Variants in SEPTIN12 observed in about 807,000 individuals in gnomAD.
SEPTIN12 encodes septin 12, also known as septin-12.
SEPTIN12 carries 42 observed loss-of-function variants against 37.7 expected under a neutral mutation model. The ratio of observed to expected loss-of-function variants is 1.11; its 90% confidence interval spans 0.87 to 1.44. The LOEUF is 1.44. SEPTIN12 is among the 40% of genes most tolerant of loss of function. The pLI, the probability that SEPTIN12 is intolerant of heterozygous loss-of-function variation, is 0.00. For synonymous variants in SEPTIN12, 254 were observed against 196.7 expected (o/e 1.29, Z -2.44); for missense variants, 613 against 479.2 (o/e 1.28, Z -2.61).
Position 4,787,584 on chromosome 16 carries a change from G to C in SEPTIN12, c.62C>G (p.Thr21Ser). 6.2e-7 allele frequency: 1 copy of C among 1,608,376 alleles called. No homozygotes were observed. The highest frequency in any genetic ancestry group is 8.5e-7 in the Non-Finnish European group (1 of 1,179,416). The part of the protein sequence containing the change: ...CLSSQPSSPS[T>S]PPCEMLGPVG... Reference sequence around the variant, plus strand: ...AGGACCAAGCATCTCGCAGGGTGGGGTGCTGGGGCTGGAGGGCTGCGAGGA... The same window carrying C: ...AGGACCAAGCATCTCGCAGGGTGGGCTGCTGGGGCTGGAGGGCTGCGAGGA... The change falls in exon 2 of 10, where the codon ACC becomes AGC. Residue 21 changes from threonine (T) to serine (S), a missense_variant. By Grantham distance (58) the Thr-to-Ser change is moderately conservative. Transcript: ENST00000268231.
upstream of SEPTIN12, among the ~76,000 whole-genome samples, chr16:4,790,608 C>T (rs1398076899): frequency 3.9e-5 from 6 of 152,150 alleles, no homozygotes; most frequent in East Asian, 5.8e-4. Flanking sequence ...GCCAACATGG[C>T]GAAACCCCAT....
rs747775650 is a variant in SEPTIN12 at position 4,777,974 on chromosome 16, G to C, written c.900C>G (p.Asp300Glu). Residue 300 changes from aspartate to glutamate, a missense_variant, in exon 10 of 10, where the codon GAC (aspartate) becomes GAG (glutamate). Coordinates refer to ENST00000268231, the MANE Select transcript of SEPTIN12 (RefSeq NM_144605.5). Reference sequence around the variant, plus strand: ...TCTCATAGTGGATGTTGTGGGTTATGTCCTTCAGGTCTTGGAGGTGGGAGC... The same window carrying C: ...TCTCATAGTGGATGTTGTGGGTTATCTCCTTCAGGTCTTGGAGGTGGGAGC... ...LIRSHLQDLK[D>E]ITHNIHYENY... The C allele has an allele frequency of 6.8e-6, 11 of 1,611,768 alleles. No homozygotes were observed. Among genetic ancestry groups the C allele is most frequent in the Non-Finnish European group, 9.3e-6 (11 of 1,179,022 alleles).
At chr16:4,786,144 G>T (rs964711834) in intron 2 of SEPTIN12, 39 bp from the exon 3 acceptor site, 1 of 1,504,384 alleles carries the variant, frequency 6.6e-7, no homozygotes. Flanking sequence ...TAGGGTGGGC[G>T]TTTTAGGCAG....
At chr16:4,784,505 C>A (rs1410175644) in intron 4 of SEPTIN12, among the ~76,000 whole-genome samples, 1 of 150,988 alleles carries the variant, frequency 6.6e-6, no homozygotes, top group Non-Finnish European at 1.5e-5. Flanking sequence ...CCCGATGGCT[C>A]ATGCCTGTAA....
At chr16:4,781,520 G>T (rs2082371173) in intron 7 of SEPTIN12, among the ~76,000 whole-genome samples, 1 of 152,012 alleles carries the variant, frequency 6.6e-6, no homozygotes, top group African/African-American at 2.4e-5. Context: ...GCCTATTTGG[G>T]ACATTTCATA....
upstream of SEPTIN12, chr16:4,788,640 T>C (rs1375486968): frequency 2.0e-5 from 3 of 152,194 alleles, no homozygotes; most frequent in Non-Finnish European, 4.4e-5. Flanking sequence ...ATTGGCGCCA[T>C]GTGTTTTAAG....
chr16:4,784,398 G>T, intron 4 of SEPTIN12: 1 of 313,024 alleles, frequency 3.2e-6, no homozygotes, highest in Non-Finnish European at 6.2e-6. Context: ...TGGTTGCAGG[G>T]GTCTCCCTCC....
At chr16:4,791,010 T>C (rs1157304415), upstream of SEPTIN12, among the ~76,000 whole-genome samples, 3 of 152,170 alleles carry the variant, frequency 2.0e-5, no homozygotes, top group African/African-American at 7.2e-5. Context: ...GGTTAGTGGA[T>C]GAACAAATGG....
At position 4,783,978 on chromosome 16, in the gene SEPTIN12, G is replaced by A. The variant is rs1405472474; in HGVS notation, c.465C>T (p.Asp155=). Residue 155 remains aspartate, a synonymous_variant, in exon 5 of 10, where the codon GAC becomes GAT. Transcript: ENST00000268231. ...AGTACACGCAGCAGTGCACCCGGGTGTCTGGGATGTGGCGCTGGCGGGTGA... is the reference window on the plus strand; with the variant it reads ...AGTACACGCAGCAGTGCACCCGGGTATCTGGGATGTGGCGCTGGCGGGTGA... ...ILITRQRHIP[D]TRVHCCVYFV... is the part of the protein sequence containing the mutation. 4.3e-6 allele frequency: 7 copies of A among 1,614,204 alleles called. No individual in the cohort carries two copies. Among genetic ancestry groups the A allele is most frequent in the Non-Finnish European group, 5.9e-6 (7 of 1,180,036 alleles).
intron 7 of SEPTIN12, among the ~76,000 whole-genome samples, chr16:4,780,952 C>G (rs116594731): frequency 0.031 from 4,676 of 151,796 alleles, 216 homozygotes; most frequent in African/African-American, 0.11. Flanking sequence ...GCACCCCAGC[C>G]TGGGCCACAG....
At chr16:4,788,743 T>C (rs565925544), upstream of SEPTIN12, 4 of 152,348 alleles carry the variant, frequency 2.6e-5, no homozygotes, top group East Asian at 1.9e-4. Context: ...CCAAAGATGT[T>C]AACTTGTTTA....
intron 8 of SEPTIN12, 134 bp from the exon 9 acceptor site, chr16:4,778,271 T>A: frequency 1.1e-6 from 1 of 941,306 alleles, no homozygotes; most frequent in Non-Finnish European, 1.7e-6. Context: ...CTTCCCTTTG[T>A]TGGTTCATTC....
At chr16:4,779,579 T>G in intron 8 of SEPTIN12, 111 bp downstream of exon 8, 1 of 761,818 alleles carries the variant, frequency 1.3e-6, no homozygotes, top group Non-Finnish European at 2.3e-6. Flanking sequence ...GGGCTCTTTG[T>G]CTAGTGGGCT....
chr16:4,787,104 G>A (rs2082466856), intron 2 of SEPTIN12, among the ~76,000 whole-genome samples: 1 of 151,936 alleles, frequency 6.6e-6, no homozygotes, highest in African/African-American at 2.4e-5. Flanking sequence ...TCGAACTCCT[G>A]ACCTCAAGTG....
chr16:4,783,734 C>G lies in SEPTIN12; in HGVS notation c.545G>C (p.Arg182Pro), dbSNP rs1027155568. The change falls in exon 6 of 10, where the codon CGG becomes CCG. Residue 182 changes from arginine to proline, a missense_variant. Physicochemically the swap from Arg to Pro is moderately radical, Grantham distance 103 (BLOSUM62 -2). Coordinates refer to ENST00000268231, the MANE Select transcript of SEPTIN12 (RefSeq NM_144605.5). ...LRPLDIEFLQ[R>P]LCRTVNVVPV... The stretch of plus-strand genomic sequence containing the variant: ...CACCACATTCACAGTCCGGCACAGC[C>G]GCTGCAGGAACTCAATGTCCAGGGG... 6.2e-7 allele frequency: 1 copy of G among 1,614,020 alleles called. No homozygotes were observed. The highest frequency in any genetic ancestry group is 1.3e-5 in the African/African-American group (1 of 75,056).
intron 8 of SEPTIN12, among the ~76,000 whole-genome samples, chr16:4,778,767 TC>T (rs1232809428): frequency 6.6e-6 from 1 of 151,728 alleles, no homozygotes; most frequent in Admixed American, 6.6e-5. Context: ...TCCACTGCAC[TC>T]CAGCCTGAGT....
Position 4,784,085 on chromosome 16 carries a change from A to T in SEPTIN12, c.375-17T>A. 1.9e-6 allele frequency: 3 copies of T among 1,612,444 alleles called. No individual in the cohort carries two copies. Among genetic ancestry groups the T allele is most frequent in the Middle Eastern group, 1.7e-4 (1 of 6,054 alleles). ...GGGTCCCAGCTGAGGCGGGAGGTGGACCCTCCCCTCAGAACTGTGCTGTGC... is the reference window on the plus strand; with the variant it reads ...GGGTCCCAGCTGAGGCGGGAGGTGGTCCCTCCCCTCAGAACTGTGCTGTGC... On this transcript the variant is annotated splice_polypyrimidine_tract_variant and intron_variant, in intron 4 of 9. Transcript: ENST00000268231.
At position 4,777,732 on chromosome 16, in the gene SEPTIN12, C is replaced by T. The variant is rs192745608; in HGVS notation, c.*65G>A. 7 of 1,135,736 alleles carry T rather than the reference C, an allele frequency of 6.2e-6. No homozygotes were observed. In the Admixed American group the frequency reaches 1.4e-4, roughly 23 times the overall value. The allele number at this position is 1,135,736 out of a possible 1,614,324, so 70.4% of individuals were successfully genotyped here. On this transcript the variant is annotated 3_prime_UTR_variant, in exon 10 of 10. Coordinates refer to ENST00000268231, the MANE Select transcript of SEPTIN12 (RefSeq NM_144605.5). Reference sequence around the variant, plus strand: ...CTCACATTTAATAGATGCTCTGGTACATAGGTGTGTGTTGAGAGCCGCTGG... The same window carrying T: ...CTCACATTTAATAGATGCTCTGGTATATAGGTGTGTGTTGAGAGCCGCTGG...
At chr16:4,787,452 C>G in intron 2 of SEPTIN12, 28 bp downstream of exon 2, 1 of 1,607,990 alleles carries the variant, frequency 6.2e-7, no homozygotes, top group Non-Finnish European at 8.5e-7. Flanking sequence ...GTGGGTCTGT[C>G]CTGCCGTGGG....
Sources: gnomAD v4.1 joint callset for allele counts (sites outside exome capture counted in the v4.1 genomes callset) on GRCh38, gnomAD v4.1.1 for gene constraint, MANE v1.5 for transcripts, NCBI Gene and HGNC (gene_info 2026-07-23, HGNC 2026-07-21) for gene names.